Variants in DLGAP1 observed in about 807,000 individuals in gnomAD.
DLGAP1 encodes DLG associated protein 1.
Under a neutral mutation model 90.8 loss-of-function variants are expected in DLGAP1, and 11 were observed. The ratio of observed to expected loss-of-function variants is 0.12; its 90% CI spans 0.08 to 0.20. The LOEUF (loss-of-function observed/expected upper bound fraction) is 0.20. Among genes scored for constraint, DLGAP1 ranks in the 10% least tolerant of loss-of-function variants. The pLI is 1.00. For synonymous variants in DLGAP1, 558 were observed against 540.7 expected, an observed-to-expected ratio of 1.03 and a Z score of -0.44; for missense variants, 1,050 against 1,333.8, an observed-to-expected ratio of 0.79 and a Z score of 3.31.
At position 4,378,102 on chromosome 18, in the gene DLGAP1, T is replaced by C. The variant is rs1442750796; in HGVS notation, c.-267+76904A>G. 1.3e-5 allele frequency among the ~76,000 whole-genome samples: 2 copies of C among 148,394 alleles called. No individual in the cohort carries two copies. Among genetic ancestry groups the C allele is most frequent in the East Asian group, 2.0e-4 (1 of 5,128 alleles). ...ACTTTTCAATCTTTTTTCTAATATA[T>C]AACATATATTAGAAATATTGTATAT... On this transcript the variant is annotated intron_variant, in intron 1 of 12. Coordinates refer to ENST00000315677, the MANE Select transcript of DLGAP1 (RefSeq NM_004746.4). This position sits in a 1 kb window ranked among gnomAD's most constrained non-coding sequence, Gnocchi z 4.5.
chr18:3,845,885 TTC>T (rs1268622829), intron 4 of DLGAP1, among the ~76,000 whole-genome samples: 1 of 152,228 alleles, frequency 6.6e-6, no homozygotes, highest in Non-Finnish European at 1.5e-5. Context: ...AGATATCAAA[TTC>T]TCTTTTAGAG....
intron 3 of DLGAP1, among the ~76,000 whole-genome samples, chr18:3,995,884 AT>A (rs1056881422): frequency 2.8e-4 from 42 of 151,810 alleles, no homozygotes; most frequent in African/African-American, 9.4e-4. Context: ...AGCTGGAATG[AT>A]TTTTTTTCAT....
intron 7 of DLGAP1, among the ~76,000 whole-genome samples, chr18:3,700,710 C>T (rs342500): frequency 0.052 from 7,843 of 152,052 alleles, 672 homozygotes; most frequent in African/African-American, 0.17. Context: ...CCCAGGTTCA[C>T]GCCATTCTCC....
chr18:4,320,070 C>T lies in DLGAP1; in HGVS notation c.-267+134936G>A, dbSNP rs190868878. ...ATGTTAATTAAATTTCAGAAGAATGCCATTCAGAAAGGTAATGAGAGCAGA... is the reference window on the plus strand; with the variant it reads ...ATGTTAATTAAATTTCAGAAGAATGTCATTCAGAAAGGTAATGAGAGCAGA... On this transcript the variant is annotated intron_variant, in intron 1 of 12. Coordinates refer to ENST00000315677, the MANE Select transcript of DLGAP1 (RefSeq NM_004746.4). Among the ~76,000 whole-genome samples the T allele has an allele frequency of 4.2e-3, 635 of 152,226 alleles. 3 individuals are homozygous for T. The highest frequency in any genetic ancestry group is 0.014 in the African/African-American group (567 of 41,538).
At chr18:3,621,545 G>C (rs568817385) in intron 7 of DLGAP1, among the ~76,000 whole-genome samples, 1 of 152,310 alleles carries the variant, frequency 6.6e-6, no homozygotes, top group East Asian at 1.9e-4. Context: ...GCCAAAGGGG[G>C]CCAACTGTTC....
At chr18:4,210,737 T>C (rs2077824098) in intron 1 of DLGAP1, among the ~76,000 whole-genome samples, 1 of 152,168 alleles carries the variant, frequency 6.6e-6, no homozygotes. Flanking sequence ...AACCAAAATT[T>C]AGAAGATTCC....
chr18:4,183,984 A>G (rs557342065), intron 1 of DLGAP1, among the ~76,000 whole-genome samples: 37 of 152,288 alleles, frequency 2.4e-4, no homozygotes, highest in South Asian at 1.7e-3. Context: ...CCCACGCAGG[A>G]AAGTTAATAA....
chr18:4,049,911 G>GGTCC (rs940466264), intron 2 of DLGAP1, among the ~76,000 whole-genome samples: 6 of 125,624 alleles, frequency 4.8e-5, no homozygotes, highest in Middle Eastern at 4.1e-3. Context: ...TCCATCCAAC[G>GGTCC]GTCCATCCAT....
chr18:3,833,375 A>G (rs2068176199), intron 4 of DLGAP1, among the ~76,000 whole-genome samples: 1 of 151,984 alleles, frequency 6.6e-6, no homozygotes, highest in South Asian at 2.1e-4. Flanking sequence ...CTAGAACCAC[A>G]GGCACATGCC....
chr18:4,359,936 C>A (rs2081597483), intron 1 of DLGAP1, among the ~76,000 whole-genome samples: 1 of 152,124 alleles, frequency 6.6e-6, no homozygotes, highest in Admixed American at 6.5e-5. Context: ...ATTTATAAAC[C>A]TGAGGTAAGG....
intron 7 of DLGAP1, among the ~76,000 whole-genome samples, chr18:3,664,379 C>T (rs551293508): frequency 6.6e-6 from 1 of 152,274 alleles, no homozygotes; most frequent in Non-Finnish European, 1.5e-5. Flanking sequence ...TTTTCAGCTG[C>T]TCCACATTGG....
At chr18:3,651,920 G>A (rs371739144) in intron 7 of DLGAP1, among the ~76,000 whole-genome samples, 5 of 152,076 alleles carry the variant, frequency 3.3e-5, no homozygotes, top group South Asian at 4.1e-4. Context: ...GCAGCGAGCC[G>A]AGATCACGCC....
chr18:4,387,194 T>C (rs531612902), intron 1 of DLGAP1, among the ~76,000 whole-genome samples: 1 of 152,138 alleles, frequency 6.6e-6, no homozygotes, highest in Non-Finnish European at 1.5e-5. Context: ...GTAGGCAATA[T>C]CAATCAGTCA....
chr18:4,314,864 A>C (rs1413116809), intron 1 of DLGAP1, among the ~76,000 whole-genome samples: 3 of 152,210 alleles, frequency 2.0e-5, no homozygotes, highest in Non-Finnish European at 4.4e-5. Context: ...AAATACCCAG[A>C]GCCTACAGAT....
chr18:3,978,418 C>T (rs2073647288), intron 3 of DLGAP1: 1 of 311,296 alleles, frequency 3.2e-6, no homozygotes, highest in South Asian at 3.3e-5. Context: ...TGATGACAAG[C>T]TTCCCATTCT....
intron 6 of DLGAP1, among the ~76,000 whole-genome samples, chr18:3,738,531 T>A (rs2062756870): frequency 6.6e-6 from 1 of 150,900 alleles, no homozygotes. Context: ...GGGAAAGGAT[T>A]CCCTATTTAA....
chr18:3,583,186 CTTCCT>C, intron 7 of DLGAP1, among the ~76,000 whole-genome samples: 1 of 141,288 alleles, frequency 7.1e-6, no homozygotes, highest in Admixed American at 7.1e-5. Context: ...ACCTACCTAC[CTTCCT>C]TCCTTCCTTC....
intron 6 of DLGAP1, among the ~76,000 whole-genome samples, chr18:3,732,436 T>C (rs2062470031): frequency 6.6e-6 from 1 of 151,950 alleles, no homozygotes; most frequent in Admixed American, 6.5e-5. Context: ...CTCTTTCACA[T>C]TACTTGTTTA....
chr18:4,067,036 G>A (rs930062346), intron 2 of DLGAP1, among the ~76,000 whole-genome samples: 2 of 152,060 alleles, frequency 1.3e-5, no homozygotes, highest in Non-Finnish European at 2.9e-5. Context: ...GGACGTGGAC[G>A]GAGCAGGGTG....
Sources: allele counts gnomAD v4.1 joint callset (sites outside exome capture counted in the v4.1 genomes callset), GRCh38; gene constraint gnomAD v4.1.1; non-coding constraint Gnocchi (gnomAD v3.1); transcripts MANE v1.5; gene names NCBI Gene and HGNC (gene_info 2026-07-23, HGNC 2026-07-21).